SCHIP1: variants seen among roughly 807,000 people sequenced by gnomAD.
SCHIP1 encodes schwannomin-interacting protein 1.
Under a neutral mutation model 29.7 loss-of-function variants are expected in SCHIP1, and 8 were observed. The observed-to-expected ratio is 0.27, with a 90% CI of 0.16 to 0.49. SCHIP1 has a LOEUF of 0.49. Among genes scored for constraint, SCHIP1 ranks in the 20% least tolerant of loss-of-function variants. The pLI is 0.99. For synonymous variants in SCHIP1, 76 were observed against 94.9 expected (o/e 0.80, Z 1.16); for missense variants, 193 against 294.6 (o/e 0.66, Z 2.52).
the SCHIP1 span, among the ~76,000 whole-genome samples, chr3:159,456,981 C>G: frequency 6.6e-6 from 1 of 152,110 alleles, no homozygotes; most frequent in Non-Finnish European, 1.5e-5. Context: ...TTAAGTTTAT[C>G]TAATTAGCGT....
At chr3:159,764,786 G>A in the SCHIP1 span, 1 of 1,566,682 alleles carries the variant, frequency 6.4e-7, no homozygotes, top group East Asian at 2.4e-5. The surrounding 1 kb of genome is among the most constrained non-coding windows in gnomAD (Gnocchi z 6.1). Flanking sequence ...GGCGGCGGGG[G>A]CAGGAGCGCC....
the SCHIP1 span, among the ~76,000 whole-genome samples, chr3:159,700,932 G>T: frequency 3.3e-5 from 5 of 152,190 alleles, no homozygotes; most frequent in Non-Finnish European, 7.4e-5. Flanking sequence ...GTGTGATGTG[G>T]TGTGGTATGG....
chr3:159,621,110 T>A, the SCHIP1 span, among the ~76,000 whole-genome samples: 1 of 152,176 alleles, frequency 6.6e-6, no homozygotes, highest in Non-Finnish European at 1.5e-5. Context: ...GGCTATGTGA[T>A]GAGAAACACT....
the SCHIP1 span, among the ~76,000 whole-genome samples, chr3:159,763,131 C>T: frequency 6.6e-6 from 1 of 152,154 alleles, no homozygotes; most frequent in Non-Finnish European, 1.5e-5. Flanking sequence ...ACAGGTTCCA[C>T]CCACAGCCTG....
At chr3:159,551,008 G>A in the SCHIP1 span, among the ~76,000 whole-genome samples, 3 of 151,954 alleles carry the variant, frequency 2.0e-5, no homozygotes, top group African/African-American at 7.3e-5. Context: ...CTAAAATAAG[G>A]AACCACTATA....
chr3:159,293,986 C>T, the SCHIP1 span, among the ~76,000 whole-genome samples: 3,769 of 152,118 alleles, frequency 0.025, 156 homozygotes, highest in African/African-American at 0.086. Flanking sequence ...ATTATGGTTC[C>T]CAGTACTGTC....
At chr3:159,380,432 C>T in the SCHIP1 span, among the ~76,000 whole-genome samples, 1 of 152,120 alleles carries the variant, frequency 6.6e-6, no homozygotes, top group Non-Finnish European at 1.5e-5. Context: ...CACCCAAATT[C>T]TAGACATGAC....
At chr3:159,548,087 T>C in the SCHIP1 span, among the ~76,000 whole-genome samples, 1 of 152,250 alleles carries the variant, frequency 6.6e-6, no homozygotes, top group Admixed American at 6.5e-5. Context: ...TAATATTTTG[T>C]TTGGGATTTT....
At chr3:159,687,537 A>C in the SCHIP1 span, among the ~76,000 whole-genome samples, 1 of 152,126 alleles carries the variant, frequency 6.6e-6, no homozygotes, top group East Asian at 1.9e-4. Flanking sequence ...CCCACAAAAA[A>C]ATTTCTCTTA....
chr3:159,877,606 G>T (rs997645496), intron 2 of SCHIP1, among the ~76,000 whole-genome samples: 8 of 152,156 alleles, frequency 5.3e-5, no homozygotes, highest in Middle Eastern at 3.2e-3. Flanking sequence ...AAAAGAATTT[G>T]CAATTAAGAT....
At chr3:159,450,479 C>T in the SCHIP1 span, among the ~76,000 whole-genome samples, 48 of 152,294 alleles carry the variant, frequency 3.2e-4, 1 homozygote, top group African/African-American at 1.1e-3. Context: ...GTAACTAAGG[C>T]TTTTGGAAGT....
chr3:159,373,044 GTTT>G, the SCHIP1 span, among the ~76,000 whole-genome samples: 1 of 143,606 alleles, frequency 7.0e-6, no homozygotes, highest in African/African-American at 2.5e-5. Context: ...ATTTAAATTT[GTTT>G]TTAATTTTTC....
chr3:159,855,262 C>G (rs1181224886), intron 1 of SCHIP1, among the ~76,000 whole-genome samples: 1 of 152,052 alleles, frequency 6.6e-6, no homozygotes, highest in African/African-American at 2.4e-5. Flanking sequence ...TATAATTATC[C>G]TTCTTTTTTA....
At chr3:159,331,095 G>A in the SCHIP1 span, among the ~76,000 whole-genome samples, 1 of 152,172 alleles carries the variant, frequency 6.6e-6, no homozygotes, top group South Asian at 2.1e-4. Flanking sequence ...ACTTAATTTG[G>A]GAAAGTGTCC....
At chr3:159,735,997 C>T in the SCHIP1 span, among the ~76,000 whole-genome samples, 1 of 150,844 alleles carries the variant, frequency 6.6e-6, no homozygotes, top group Non-Finnish European at 1.5e-5. Context: ...TCAGGGAAAG[C>T]ATGAAATGTG....
chr3:159,893,359 C>G (rs1402422609), intron 6 of SCHIP1: 2 of 152,138 alleles, frequency 1.3e-5, no homozygotes, highest in African/African-American at 4.8e-5. Flanking sequence ...CACAATAACA[C>G]TCAAATAATA....
chr3:159,591,979 A>G, the SCHIP1 span, among the ~76,000 whole-genome samples: 36 of 147,318 alleles, frequency 2.4e-4, no homozygotes, highest in African/African-American at 8.9e-4. Context: ...CCTCAAAAAA[A>G]GAAGACCCTC....
the SCHIP1 span, among the ~76,000 whole-genome samples, chr3:159,776,978 A>G: frequency 2.0e-5 from 3 of 152,106 alleles, no homozygotes; most frequent in Admixed American, 1.3e-4. Flanking sequence ...CCCAGGGGTA[A>G]AGGGGCAGCT....
chr3:159,401,410 G>T, the SCHIP1 span: 161 of 945,116 alleles, frequency 1.7e-4, no homozygotes, highest in Middle Eastern at 2.7e-3. Flanking sequence ...AATAATTTTA[G>T]ATAGTAATAA....
Sources: gnomAD v4.1 joint callset for allele counts (sites outside exome capture counted in the v4.1 genomes callset) on GRCh38, gnomAD v4.1.1 for gene constraint, Gnocchi (gnomAD v3.1) non-coding constraint, MANE v1.5 for transcripts, NCBI Gene and HGNC (gene_info 2026-07-23, HGNC 2026-07-21) for gene names.